Variants in ZNF142 observed in about 807,000 individuals in gnomAD.
ZNF142 encodes the protein zinc finger protein 142.
A neutral mutation model predicts 132.1 loss-of-function variants in ZNF142; 96 were observed. That is an observed-to-expected ratio of 0.73 (90% CI 0.62 to 0.86). The LOEUF (loss-of-function observed/expected upper bound fraction) is 0.86. ZNF142 is among the 40% of genes least tolerant of loss of function. The pLI is 0.00. For synonymous variants in ZNF142, 842 were observed against 890.1 expected, an observed-to-expected ratio of 0.95 and a Z score of 0.96; for missense variants, 2,163 against 2,336.2, an observed-to-expected ratio of 0.93 and a Z score of 1.53.
At position 218,656,210 on chromosome 2, in the gene ZNF142, C is replaced by T. The variant is rs750217882; in HGVS notation, c.220G>A (p.Glu74Lys). The T allele has an allele frequency of 4.3e-6, 7 of 1,612,460 alleles. No individual in the cohort carries two copies. Among genetic ancestry groups the T allele is most frequent in the Non-Finnish European group, 5.9e-6 (7 of 1,179,176 alleles). Residue 74 changes from glutamate to lysine, a missense_variant, in exon 4 of 11, where the codon GAG becomes AAG. Physicochemically the swap from Glu to Lys is moderately conservative, Grantham distance 56 (BLOSUM62 1). Around this residue, in one of 7 missense-constraint regions of ZNF142, gnomAD observed 195 missense variants for 172.4 expected, o/e 1.13. Transcript: ENST00000411696. ...TATEEGPGNM[E>K]IIVETVAGTL... The stretch of plus-strand genomic sequence containing the variant: ...CCAGCTACTGTCTCCACAATGATCT[C>T]CATGTTCCCTGGTCCCTCTTCAGTT...
chr2:218,638,461 C>G lies in ZNF142; in HGVS notation c.5542G>C (p.Ala1848Pro). The change falls in exon 11 of 11, where the codon GCC becomes CCC. Residue 1848 changes from alanine (A) to proline (P), a missense_variant. Physicochemically the swap from Ala to Pro is conservative, Grantham distance 27. Coordinates refer to ENST00000411696, the MANE Select transcript of ZNF142 (RefSeq NM_001379659.1). ...TTGCCCACACCCTGGTTTGGGTCGG[C>G]TTGGTCAGGGTGGTGCCTGCGTACG... is the stretch of plus-strand genomic sequence containing the variant. ...KHVRRHHPDQ[A>P]DPNQGVGKDP... 2.5e-6 allele frequency: 4 copies of G among 1,586,368 alleles called. No homozygotes were observed. The highest frequency in any genetic ancestry group is 3.4e-6 in the Non-Finnish European group (4 of 1,161,508).
rs1000424259 is a variant in ZNF142 at position 218,656,334 on chromosome 2, A to G, written c.96T>C (p.Ser32=). ...PELLLIPPPL[S]NRGILGPVQS... is the part of the protein sequence containing the mutation. The stretch of plus-strand genomic sequence containing the variant: ...GGACAGGCCCCAGGATTCCACGGTT[A>G]GAGAGAGGCGGGGGGATCAGCAATA... Residue 32 remains serine (S), a synonymous_variant, in exon 4 of 11, where the codon TCT becomes TCC. Coordinates refer to ENST00000411696, the MANE Select transcript of ZNF142 (RefSeq NM_001379659.1). 19 of 1,596,270 alleles carry G rather than the reference A, an allele frequency of 1.2e-5. No homozygotes were observed. Among genetic ancestry groups the G allele is most frequent in the Non-Finnish European group, 1.6e-5 (19 of 1,169,070 alleles).
chr2:218,653,408 T>C (rs1185709458), intron 4 of ZNF142, among the ~76,000 whole-genome samples: 1 of 151,676 alleles, frequency 6.6e-6, no homozygotes, highest in Non-Finnish European at 1.5e-5. Context: ...CGAAACCCCG[T>C]CTCTACTAAA....
At chr2:218,656,929 T>C (rs925057518) in intron 3 of ZNF142, among the ~76,000 whole-genome samples, 11 of 151,830 alleles carry the variant, frequency 7.2e-5, no homozygotes, top group Non-Finnish European at 8.8e-5. Flanking sequence ...GCAATTCTCC[T>C]GTCTCAGCCT....
Position 218,643,385 on chromosome 2 carries a change from T to A in ZNF142, c.3731A>T (p.His1244Leu), listed in dbSNP as rs912443112. ...LCSRLSSITS[H>L]VAEGCRGGRG... is the part of the protein sequence containing the mutation. ...TCCCCCCCTGCAGCCTTCAGCCACGTGAGAGGTAATAGAGGAGAGCCGGGA... is the reference window on the plus strand; with the variant it reads ...TCCCCCCCTGCAGCCTTCAGCCACGAGAGAGGTAATAGAGGAGAGCCGGGA... The change falls in exon 9 of 11, where the codon CAC becomes CTC. Residue 1244 changes from histidine (H) to leucine (L), a missense_variant. By Grantham distance (99) the His-to-Leu change is moderately conservative. Around this residue, in one of 7 missense-constraint regions of ZNF142, gnomAD observed 809 missense variants for 801.7 expected, o/e 1.01. Transcript: ENST00000411696. The A allele has an allele frequency of 1.9e-6, 3 of 1,613,910 alleles. No individual in the cohort carries two copies. The highest frequency in any genetic ancestry group is 3.3e-4 in the Middle Eastern group (2 of 6,062).
At position 218,636,237 on chromosome 2, in the gene ZNF142, A is replaced by C. The variant is rs767555675; in HGVS notation, c.*2102T>G. ...TCTTCTTATTTCTTTCTGTCCACCA[A>C]CTCAGGTTTTAATCCATACTGGGGG... On this transcript the variant is annotated 3_prime_UTR_variant, in exon 11 of 11. Transcript: ENST00000411696. 175 of 1,613,338 alleles carry C rather than the reference A, an allele frequency of 1.1e-4. No homozygotes were observed. The highest frequency in any genetic ancestry group is 1.9e-5 in the Non-Finnish European group (22 of 1,179,390).
chr2:218,642,243 G>A lies in ZNF142; in HGVS notation c.4873C>T (p.His1625Tyr), dbSNP rs541793568. 3 of 1,614,212 alleles carry A rather than the reference G, an allele frequency of 1.9e-6. No individual in the cohort carries two copies. The highest frequency in any genetic ancestry group is 1.3e-5 in the African/African-American group (1 of 75,066). ...GDGDAGQPPL[H>Y]CPFCDFTCRH... is the part of the protein sequence containing the mutation. ...CATGTGAAGTCACAAAAGGGGCAGT[G>A]TAGCGGGGGCTGGCCAGCATCCCCA... Residue 1625 changes from histidine (H) to tyrosine (Y), a missense_variant, in exon 9 of 11, where the codon CAC becomes TAC. Physicochemically the swap from His to Tyr is moderately conservative, Grantham distance 83. Around this residue, in one of 7 missense-constraint regions of ZNF142, gnomAD observed 325 missense variants for 367.8 expected, o/e 0.88. Transcript: ENST00000411696. The surrounding 1 kb of genome is among the most constrained non-coding windows in gnomAD (Gnocchi z 4.6).
In ZNF142 at chr2:218,637,044, G is replaced by T. The variant is rs1034853520; in HGVS notation, c.*1295C>A. 10 of 399,250 alleles carry T rather than the reference G, an allele frequency of 2.5e-5. No individual in the cohort carries two copies. Among genetic ancestry groups the T allele is most frequent in the African/African-American group, 1.5e-4 (7 of 47,990 alleles). 24.7% of individuals were successfully genotyped at this position (399,250 alleles called of 1,614,324 possible). ...TAAATCAAGGCTCAAGGCTTCCCCA[G>T]CAAAGATTAGGGAAAGAGACTTGAC... On this transcript the variant is annotated 3_prime_UTR_variant, in exon 11 of 11. Coordinates refer to ENST00000411696, the MANE Select transcript of ZNF142 (RefSeq NM_001379659.1).
At position 218,638,362 on chromosome 2, in the gene ZNF142, G is replaced by A. The variant is rs997549214; in HGVS notation, c.5641C>T (p.Pro1881Ser). The A allele has an allele frequency of 6.6e-7, 1 of 1,522,832 alleles. No homozygotes were observed. The highest frequency in any genetic ancestry group is 2.1e-5 in the Admixed American group (1 of 46,890). 94.3% of individuals were successfully genotyped at this position (1,522,832 alleles called of 1,614,324 possible). A position where few individuals can be genotyped will look rare whatever the true frequency, so the allele number is the denominator to read the frequency against. ...EDPSPPAPAA[P>S]HTGPEG ...TTTCAGCCCTCAGGTCCAGTGTGGG[G>A]AGCGGCAGGAGCAGGAGGGCTGGGA... Residue 1881 changes from proline (P) to serine (S), a missense_variant, in exon 11 of 11, where the codon CCC becomes TCC. Transcript: ENST00000411696.
intron 10 of ZNF142, 33 bp downstream of exon 10, chr2:218,640,628 GAAC>G (rs1282591262): frequency 6.3e-7 from 1 of 1,595,608 alleles, no homozygotes; most frequent in African/African-American, 1.3e-5. Flanking sequence ...GGGAACAAAG[GAAC>G]CCTTCAGGCC....
chr2:218,640,390 C>G (rs1697088142), intron 10 of ZNF142, among the ~76,000 whole-genome samples: 1 of 152,172 alleles, frequency 6.6e-6, no homozygotes, highest in Non-Finnish European at 1.5e-5. Context: ...GTTGGGGGTT[C>G]TCAAGAGGGG....
rs532585881 is a variant in ZNF142, at chr2:218,633,414, C to T, written c.*4925G>A. The T allele has an allele frequency of 1.4e-6, 1 of 736,760 alleles. No individual in the cohort carries two copies. Among genetic ancestry groups the T allele is most frequent in the East Asian group, 2.7e-5 (1 of 37,414 alleles). The allele number at this position is 736,760 out of a possible 1,614,324, so 45.6% of individuals were successfully genotyped here. A position where few individuals can be genotyped will look rare whatever the true frequency, so the allele number is the denominator to read the frequency against. Reference sequence around the variant, plus strand: ...GTGACGTGCCCGCTGTTTTGTCCGTCTATCTGTTGTCAGATTGTGGCCCAG... The same window carrying T: ...GTGACGTGCCCGCTGTTTTGTCCGTTTATCTGTTGTCAGATTGTGGCCCAG... On this transcript the variant is annotated 3_prime_UTR_variant, in exon 11 of 11. Coordinates refer to ENST00000411696, the MANE Select transcript of ZNF142 (RefSeq NM_001379659.1).
In ZNF142 at chr2:218,634,673, G is replaced by C; in HGVS notation, c.*3666C>G. 1 of 1,596,508 alleles carries C rather than the reference G, an allele frequency of 6.3e-7. No individual in the cohort carries two copies. Among genetic ancestry groups the C allele is most frequent in the Non-Finnish European group, 8.6e-7 (1 of 1,168,258 alleles). On this transcript the variant is annotated 3_prime_UTR_variant, in exon 11 of 11. Coordinates refer to ENST00000411696, the MANE Select transcript of ZNF142 (RefSeq NM_001379659.1). The surrounding 1 kb of genome is among the most constrained non-coding windows in gnomAD (Gnocchi z 4.0). ...TGTTGGGAAGAAACTGAGATAACTGGGATAGAAGTGAGGGAAGAGGTGGCT... is the reference window on the plus strand; with the variant it reads ...TGTTGGGAAGAAACTGAGATAACTGCGATAGAAGTGAGGGAAGAGGTGGCT...
At chr2:218,652,450 C>T in intron 4 of ZNF142, 150 bp from the exon 5 acceptor site, 1 of 378,024 alleles carries the variant, frequency 2.6e-6, no homozygotes, top group Non-Finnish European at 5.3e-6. Flanking sequence ...GGACTGTAGG[C>T]CCCATAAGGT....
In ZNF142 at chr2:218,643,789, T is replaced by C; in HGVS notation, c.3327A>G (p.Gln1109=). ...AGGCCTGGGTACCTGGGAGCACAGGTTGCAGAGGGATGGGTGAATCTGGTC... is the reference window on the plus strand; with the variant it reads ...AGGCCTGGGTACCTGGGAGCACAGGCTGCAGAGGGATGGGTGAATCTGGTC... ...LPRPDSPIPL[Q]PVLPGTQASE... Residue 1109 remains glutamine, a synonymous_variant, in exon 9 of 11, where the codon CAA becomes CAG. Coordinates refer to ENST00000411696, the MANE Select transcript of ZNF142 (RefSeq NM_001379659.1). 6.8e-6 allele frequency: 11 copies of C among 1,611,420 alleles called. No individual in the cohort carries two copies. Among genetic ancestry groups the C allele is most frequent in the Non-Finnish European group, 9.3e-6 (11 of 1,178,470 alleles).
At chr2:218,650,949 C>T (rs956823470) in intron 5 of ZNF142, among the ~76,000 whole-genome samples, 3 of 151,754 alleles carry the variant, frequency 2.0e-5, no homozygotes, top group East Asian at 1.9e-4. Context: ...ACTAAAACGC[C>T]GTCTCCCTTG....
rs1175970864 is a variant in ZNF142, at chr2:218,642,166, A to G, written c.4950T>C (p.Arg1650=). ...DHHVKGHGGT[R]LYKCTDCAYS... is the part of the protein sequence containing the mutation. Reference sequence around the variant, plus strand: ...AAGCACAATCGGTGCACTTGTAGAGACGAGTGCCCCCATGCCCTTTCACAT... The same window carrying G: ...AAGCACAATCGGTGCACTTGTAGAGGCGAGTGCCCCCATGCCCTTTCACAT... Residue 1650 remains arginine (R), a synonymous_variant, in exon 9 of 11, where the codon CGT becomes CGC. Transcript: ENST00000411696. This position sits in a 1 kb window ranked among gnomAD's most constrained non-coding sequence, Gnocchi z 4.6. 1.2e-6 allele frequency: 2 copies of G among 1,613,986 alleles called. No homozygotes were observed. Among genetic ancestry groups the G allele is most frequent in the African/African-American group, 2.7e-5 (2 of 74,888 alleles).
rs369807902 is a variant in ZNF142 at position 218,643,014 on chromosome 2, G to C, written c.4102C>G (p.Arg1368Gly). ...CAGTCCCCACACTGTAGATGGGGCC[G>C]GGGCCCACGGGCTGGGGCTGCAGTG... ...HPTAAPARGP[R>G]PHLQCGDCGF... Residue 1368 changes from arginine to glycine, a missense_variant, in exon 9 of 11, where the codon CGG becomes GGG. Arg to Gly is a moderately radical substitution (Grantham distance 125, BLOSUM62 -2). This residue lies in a region of ZNF142 where 809 missense variants were observed against 801.7 expected (regional missense o/e 1.01). Transcript: ENST00000411696. 7.5e-6 allele frequency: 12 copies of C among 1,604,954 alleles called. No homozygotes were observed. The highest frequency in any genetic ancestry group is 1.0e-5 in the Non-Finnish European group (12 of 1,175,254).
In ZNF142 at chr2:218,645,174, T is replaced by G. The variant is rs1391370293; in HGVS notation, c.2052-110A>C. The G allele has an allele frequency of 8.2e-6, 11 of 1,344,048 alleles. 1 individual carries two copies. The highest frequency in any genetic ancestry group is 4.2e-5 in the South Asian group (3 of 72,152). 83.3% of individuals were successfully genotyped at this position (1,344,048 alleles called of 1,614,324 possible). On this transcript the variant is annotated intron_variant, in intron 8 of 10. Transcript: ENST00000411696. ...GGCTCTGCACTCAGTATCATACATG[T>G]GTCACCTGATGTAACCCTCCTTTTC...
Sources: allele counts gnomAD v4.1 joint callset (sites outside exome capture counted in the v4.1 genomes callset), GRCh38; gene constraint gnomAD v4.1.1; regional missense constraint gnomAD v4.1.1; non-coding constraint Gnocchi (gnomAD v3.1); transcripts MANE v1.5; gene names NCBI Gene and HGNC (gene_info 2026-07-23, HGNC 2026-07-21).